The following GABRA4 variants were observed in gnomAD, a reference collection of about 807,000 sequenced individuals.
The protein encoded by GABRA4 is gamma-aminobutyric acid receptor subunit alpha-4.
Under a neutral mutation model 49.7 loss-of-function variants are expected in GABRA4, and 12 were observed. The observed-to-expected ratio is 0.24, with a 90% CI of 0.15 to 0.39. The LOEUF (loss-of-function observed/expected upper bound fraction) is 0.39. Among genes scored for constraint, GABRA4 ranks in the 10% least tolerant of loss-of-function variants. The pLI is 1.00. For missense variants in GABRA4, 506 were observed against 686.0 expected, an observed-to-expected ratio of 0.74 and a Z score of 2.93; for synonymous variants, 288 against 240.2, an observed-to-expected ratio of 1.20 and a Z score of -1.84.
intron 8 of GABRA4, among the ~76,000 whole-genome samples, chr4:46,949,526 T>C (rs1053017116): frequency 1.3e-5 from 2 of 152,010 alleles, no homozygotes; most frequent in African/African-American, 4.8e-5. Flanking sequence ...AATCAAACTA[T>C]CCATTGTAGA....
intron 8 of GABRA4, among the ~76,000 whole-genome samples, chr4:46,950,741 A>AAATAAATAAATAAATAAATG (rs1722145176): frequency 6.8e-6 from 1 of 148,048 alleles, no homozygotes; most frequent in Admixed American, 6.7e-5. Context: ...ATAAATAAAT[A>AAATAAATAAATAAATAAATG]AATAAATTAC....
chr4:46,985,557 A>G (rs1393192679), intron 2 of GABRA4, among the ~76,000 whole-genome samples: 1 of 152,078 alleles, frequency 6.6e-6, no homozygotes, highest in Non-Finnish European at 1.5e-5. Context: ...AAAGGCTTAG[A>G]GTATAAGGCG....
At chr4:46,943,740 T>A (rs1721892701) in intron 8 of GABRA4, among the ~76,000 whole-genome samples, 1 of 152,150 alleles carries the variant, frequency 6.6e-6, no homozygotes, top group African/African-American at 2.4e-5. Flanking sequence ...GGCTGGTAAC[T>A]TACTGCCTTT....
intron 2 of GABRA4, 57 bp downstream of exon 2, chr4:46,992,771 A>G: frequency 8.2e-7 from 1 of 1,212,818 alleles, no homozygotes; most frequent in Non-Finnish European, 1.2e-6. Flanking sequence ...ACAGACAGAC[A>G]GGAAGACCAA....
chr4:46,964,587 C>G (rs1722686613), intron 8 of GABRA4, among the ~76,000 whole-genome samples: 1 of 151,692 alleles, frequency 6.6e-6, no homozygotes, highest in African/African-American at 2.4e-5. Flanking sequence ...TTTAAAGACA[C>G]AAACAAAAAC....
chr4:46,949,264 A>G (rs930723537), intron 8 of GABRA4, among the ~76,000 whole-genome samples: 6 of 152,126 alleles, frequency 3.9e-5, no homozygotes, highest in Non-Finnish European at 8.8e-5. Context: ...TTGTACTACT[A>G]ACCTTTAAGC....
At chr4:46,953,407 G>A (rs183271674) in intron 8 of GABRA4, among the ~76,000 whole-genome samples, 1 of 152,136 alleles carries the variant, frequency 6.6e-6, no homozygotes, top group Admixed American at 6.5e-5. Flanking sequence ...AAACTTCTTG[G>A]AAATTTTTCC....
At chr4:46,979,939 GC>G (rs1423601637) in intron 2 of GABRA4, among the ~76,000 whole-genome samples, 3 of 152,058 alleles carry the variant, frequency 2.0e-5, no homozygotes, top group African/African-American at 4.8e-5. Context: ...TGACAATATG[GC>G]TGACACAGAT....
chr4:46,957,521 T>G (rs2109365090), intron 8 of GABRA4, among the ~76,000 whole-genome samples: 1 of 152,056 alleles, frequency 6.6e-6, no homozygotes, highest in Admixed American at 6.6e-5. Context: ...GTAGAGAATT[T>G]TGCACTTGAA....
intron 7 of GABRA4, among the ~76,000 whole-genome samples, chr4:46,967,314 T>G (rs1031955539): frequency 9.9e-5 from 15 of 151,348 alleles, no homozygotes; most frequent in African/African-American, 3.1e-4. Flanking sequence ...ATACCCAAAT[T>G]CAAATACAAG....
intron 7 of GABRA4, among the ~76,000 whole-genome samples, chr4:46,965,552 G>A (rs946133268): frequency 6.6e-5 from 10 of 151,744 alleles, no homozygotes; most frequent in South Asian, 2.1e-4. Flanking sequence ...AGCATGTAAC[G>A]CACGTAGCAC....
intron 8 of GABRA4, among the ~76,000 whole-genome samples, chr4:46,944,315 T>C (rs985837372): frequency 1.4e-5 from 2 of 147,206 alleles, no homozygotes; most frequent in Non-Finnish European, 3.0e-5. Context: ...AATTGTTAAG[T>C]ACTCCAACTT....
intron 1 of GABRA4, 21 bp from the exon 2 acceptor site, chr4:46,992,967 A>C (rs200715517): frequency 6.8e-7 from 1 of 1,463,434 alleles, no homozygotes; most frequent in Non-Finnish European, 9.6e-7. Context: ...AAAAAAAAAA[A>C]CCGGGGGCGG....
intron 8 of GABRA4, among the ~76,000 whole-genome samples, chr4:46,935,600 T>C (rs905178329): frequency 3.3e-5 from 5 of 149,698 alleles, no homozygotes; most frequent in Admixed American, 3.3e-4. Context: ...GAATAGTCTA[T>C]GGAGTGGGAG....
At chr4:46,937,924 T>C (rs1286119638) in intron 8 of GABRA4, among the ~76,000 whole-genome samples, 9 of 152,174 alleles carry the variant, frequency 5.9e-5, no homozygotes, top group Non-Finnish European at 2.9e-5. Context: ...TGAGTGATTA[T>C]GACTCACTCA....
At chr4:46,947,704 C>A (rs550581983) in intron 8 of GABRA4, among the ~76,000 whole-genome samples, 3 of 152,100 alleles carry the variant, frequency 2.0e-5, no homozygotes, top group African/African-American at 7.2e-5. Context: ...TCTTGGCTGA[C>A]ATCATCCCAC....
intron 8 of GABRA4, among the ~76,000 whole-genome samples, chr4:46,960,190 A>G (rs1175384563): frequency 1.3e-5 from 2 of 151,814 alleles, no homozygotes; most frequent in East Asian, 3.9e-4. Context: ...ATGGGAATAA[A>G]CAATAACTTT....
chr4:46,964,766 A>T (rs998862185), intron 8 of GABRA4, among the ~76,000 whole-genome samples: 2 of 151,838 alleles, frequency 1.3e-5, no homozygotes, highest in African/African-American at 4.8e-5. Context: ...GCCTACATCT[A>T]GCTCTGTCAC....
At chr4:46,965,268 A>G (rs1722714522) in intron 7 of GABRA4, 39 bp from the exon 8 acceptor site, 1 of 1,364,238 alleles carries the variant, frequency 7.3e-7, no homozygotes, top group Non-Finnish European at 9.5e-7. Flanking sequence ...ACACCTTACC[A>G]TCATTTGTAT....
Sources: allele counts gnomAD v4.1 joint callset (sites outside exome capture counted in the v4.1 genomes callset), GRCh38; gene constraint gnomAD v4.1.1; transcripts MANE v1.5; gene names NCBI Gene and HGNC (gene_info 2026-07-23, HGNC 2026-07-21).